RAPH1: variants seen among roughly 807,000 people sequenced by gnomAD.
RAPH1 encodes ras-associated and pleckstrin homology domains-containing protein 1.
In RAPH1, 18 loss-of-function variants were observed where a neutral mutation model predicts 88.1. That is an observed-to-expected ratio of 0.20 (90% CI 0.14 to 0.30). The LOEUF (loss-of-function observed/expected upper bound fraction) is 0.30, where lower values mean the gene tolerates loss of function less well. Ranked by LOEUF, RAPH1 falls within the 10% of genes least tolerant of loss-of-function variation. RAPH1 has a pLI of 1.00. For missense variants in RAPH1, 1,448 were observed against 1,543.2 expected (o/e 0.94, Z 1.03); for synonymous variants, 587 against 559.0 (o/e 1.05, Z -0.71).
Position 203,448,981 on chromosome 2 carries a change from C to T in RAPH1, c.1414-145G>A, listed in dbSNP as rs1410284758. ...TTATGCTTCTTATATGGCCATAAGG[C>T]CAAATAAAGTAGCCCATAAGAATTT... On this transcript the variant is annotated intron_variant, in intron 10 of 13. Coordinates refer to ENST00000319170, the MANE Select transcript of RAPH1 (RefSeq NM_213589.3). The surrounding 1 kb of genome is among the most constrained non-coding windows in gnomAD (Gnocchi z 4.1). 2 of 422,240 alleles carry T rather than the reference C, an allele frequency of 4.7e-6. No homozygotes were observed. The highest frequency in any genetic ancestry group is 3.5e-5 in the East Asian group (1 of 28,372). The allele number at this position is 422,240 out of a possible 1,614,324, so 26.2% of individuals were successfully genotyped here.
intron 1 of RAPH1, among the ~76,000 whole-genome samples, chr2:203,520,735 G>A (rs1689830286): frequency 6.6e-6 from 1 of 152,128 alleles, no homozygotes; most frequent in South Asian, 2.1e-4. Context: ...CATAAAGTTG[G>A]CAAAAATAGT....
intron 9 of RAPH1, 50 bp from the exon 10 acceptor site, chr2:203,454,590 G>A (rs1222276291): frequency 8.3e-6 from 11 of 1,321,370 alleles, no homozygotes; most frequent in Middle Eastern, 1.8e-4. Flanking sequence ...GCACAAACAA[G>A]CAAATATACC....
intron 4 of RAPH1, among the ~76,000 whole-genome samples, chr2:203,479,956 C>T (rs1408685052): frequency 2.0e-5 from 3 of 151,872 alleles, no homozygotes; most frequent in Admixed American, 6.6e-5. Context: ...GCTCAAAATA[C>T]GTAACAAAAA....
intron 4 of RAPH1, among the ~76,000 whole-genome samples, chr2:203,484,896 T>C (rs1687895476): frequency 6.6e-6 from 1 of 152,166 alleles, no homozygotes; most frequent in South Asian, 2.1e-4. Flanking sequence ...AAAAGAGACA[T>C]GCCATCTTCT....
intron 1 of RAPH1, among the ~76,000 whole-genome samples, chr2:203,528,064 A>C (rs577635595): frequency 6.6e-6 from 1 of 152,200 alleles, no homozygotes; most frequent in East Asian, 1.9e-4. Flanking sequence ...GTGCAATTTA[A>C]AGATGAAGTA....
chr2:203,506,798 ATATATATC>A (rs1559494415), intron 1 of RAPH1, among the ~76,000 whole-genome samples: 4 of 67,348 alleles, frequency 5.9e-5, no homozygotes, highest in African/African-American at 2.2e-4. Flanking sequence ...ATATATCTAT[ATATATATC>A]TATATCTATA....
chr2:203,474,170 G>A (rs563444701), intron 4 of RAPH1, among the ~76,000 whole-genome samples: 3 of 152,268 alleles, frequency 2.0e-5, no homozygotes, highest in Admixed American at 2.0e-4. Context: ...GGTAGAAAGA[G>A]GGCAAAGGGA....
At chr2:203,519,618 T>C (rs1581403531) in intron 1 of RAPH1, among the ~76,000 whole-genome samples, 1 of 152,298 alleles carries the variant, frequency 6.6e-6, no homozygotes, top group South Asian at 2.1e-4. Flanking sequence ...GACCACTCTT[T>C]TTCAATATCA....
At chr2:203,481,321 C>T (rs547374946) in intron 4 of RAPH1, among the ~76,000 whole-genome samples, 44 of 152,188 alleles carry the variant, frequency 2.9e-4, no homozygotes, top group African/African-American at 9.9e-4. Flanking sequence ...TAGTCACTCT[C>T]TACCTCCGTT....
In RAPH1 at chr2:203,454,415, G is replaced by T; in HGVS notation, c.1413+15C>A. 1 of 1,552,238 alleles carries T rather than the reference G, an allele frequency of 6.4e-7. No individual in the cohort carries two copies. Among genetic ancestry groups the T allele is most frequent in the Non-Finnish European group, 8.9e-7 (1 of 1,129,930 alleles). Reference sequence around the variant, plus strand: ...TAACATCAATTAAAATTCCTAAAAAGAAATATGTGTTTACCTTCAGCACCA... The same window carrying T: ...TAACATCAATTAAAATTCCTAAAAATAAATATGTGTTTACCTTCAGCACCA... On this transcript the variant is annotated intron_variant, in intron 10 of 13. Coordinates refer to ENST00000319170, the MANE Select transcript of RAPH1 (RefSeq NM_213589.3).
intron 4 of RAPH1, among the ~76,000 whole-genome samples, chr2:203,468,257 C>T (rs1308223739): frequency 1.3e-5 from 2 of 152,168 alleles, no homozygotes; most frequent in Non-Finnish European, 2.9e-5. Flanking sequence ...AATAAAGCCT[C>T]GGTGTGGCTT....
In RAPH1 at chr2:203,494,721, A is replaced by T. The variant is rs947861344; in HGVS notation, c.120+513T>A. On this transcript the variant is annotated intron_variant, in intron 2 of 13. Coordinates refer to ENST00000319170, the MANE Select transcript of RAPH1 (RefSeq NM_213589.3). Reference sequence around the variant, plus strand: ...CTACTCGGGAGGCTGAGGCAGGAGAATGGCGTGAACCCCGGAGACGGAGCT... The same window carrying T: ...CTACTCGGGAGGCTGAGGCAGGAGATTGGCGTGAACCCCGGAGACGGAGCT... Among the ~76,000 whole-genome samples the T allele has an allele frequency of 2.6e-5, 4 of 151,180 alleles. No homozygotes were observed. The East Asian group carries it at 7.8e-4, about 30-fold the overall frequency.
intron 4 of RAPH1, among the ~76,000 whole-genome samples, chr2:203,467,667 C>G (rs1376538921): frequency 6.6e-6 from 1 of 152,114 alleles, no homozygotes; most frequent in East Asian, 1.9e-4. Flanking sequence ...GGTCTCAGGA[C>G]CAACTTCAGG....
In RAPH1 at chr2:203,457,570, G is replaced by A. The variant is rs1474736492; in HGVS notation, c.1118C>T (p.Thr373Ile). The A allele has an allele frequency of 6.2e-7, 1 of 1,612,432 alleles. No homozygotes were observed. The highest frequency in any genetic ancestry group is 1.1e-5 in the South Asian group (1 of 91,040). The change falls in exon 8 of 14, where the codon ACA (threonine) becomes ATA (isoleucine). Residue 373 changes from threonine to isoleucine, a missense_variant. Around this residue, in one of 2 missense-constraint regions of RAPH1, gnomAD observed 513 missense variants for 653.1 expected, o/e 0.79. Coordinates refer to ENST00000319170, the MANE Select transcript of RAPH1 (RefSeq NM_213589.3). ...PQNYLLGKKE[T>I]AEMADRNKEV... ...TTTGTTTCTATCTGCCATCTCAGCT[G>A]TTTCTTTTTTCCCCAAAAGATAATT...
chr2:203,450,127 A>G (rs2098513565), intron 10 of RAPH1, among the ~76,000 whole-genome samples: 1 of 152,168 alleles, frequency 6.6e-6, no homozygotes, highest in Admixed American at 6.5e-5. Context: ...CCATGAGCTC[A>G]ATAAAATAAG....
intron 4 of RAPH1, among the ~76,000 whole-genome samples, chr2:203,487,663 GT>G (rs1688034513): frequency 6.6e-6 from 1 of 152,152 alleles, no homozygotes. Context: ...GGGATTACAG[GT>G]GTGAGCCACC....
At chr2:203,445,719 C>G (rs2098508889) in intron 12 of RAPH1, 1 of 152,152 alleles carries the variant, frequency 6.6e-6, no homozygotes, top group African/African-American at 2.4e-5. Context: ...ATGATAACAC[C>G]ACTGCATTCC....
At chr2:203,482,017 A>C (rs9808515) in intron 4 of RAPH1, among the ~76,000 whole-genome samples, 6,067 of 151,428 alleles carry the variant, frequency 0.04, 121 homozygotes, top group African/African-American at 0.05. Flanking sequence ...AGAAAAAAAA[A>C]ACACACACAC....
intron 4 of RAPH1, among the ~76,000 whole-genome samples, chr2:203,467,338 C>T (rs2098529320): frequency 6.6e-6 from 1 of 152,116 alleles, no homozygotes; most frequent in South Asian, 2.1e-4. Context: ...CGCCTATAAT[C>T]CCAGCACTTT....
Sources: gnomAD v4.1 joint callset for allele counts (sites outside exome capture counted in the v4.1 genomes callset) on GRCh38, gnomAD v4.1.1 for gene constraint, gnomAD v4.1.1 regional missense constraint, Gnocchi (gnomAD v3.1) non-coding constraint, MANE v1.5 for transcripts, NCBI Gene and HGNC (gene_info 2026-07-23, HGNC 2026-07-21) for gene names.